Variants in CCDC171 observed in about 807,000 individuals in gnomAD.
CCDC171 encodes coiled-coil domain-containing protein 171.
CCDC171 carries 177 observed loss-of-function variants against 168.2 expected under a neutral mutation model. The observed-to-expected ratio is 1.05, with a 90% CI of 0.93 to 1.19. CCDC171 has a LOEUF of 1.19. CCDC171 is among the 50% of genes most tolerant of loss of function. CCDC171 has a pLI of 0.00. For missense variants in CCDC171, 1,991 were observed against 1,539.0 expected, an observed-to-expected ratio of 1.29 and a Z score of -4.91; for synonymous variants, 687 against 540.8, an observed-to-expected ratio of 1.27 and a Z score of -3.75.
chr9:16,050,074 A>G (rs1462017188), intron 1 of CCDC171, among the ~76,000 whole-genome samples: 4 of 152,118 alleles, frequency 2.6e-5, no homozygotes, highest in Non-Finnish European at 5.9e-5. Context: ...TTTAGTAGGG[A>G]CAGAGTTTTG....
At chr9:15,770,366 T>C (rs182177641) in intron 18 of CCDC171, among the ~76,000 whole-genome samples, 1 of 152,328 alleles carries the variant, frequency 6.6e-6, no homozygotes, top group Admixed American at 6.5e-5. Context: ...AAACTTAAAA[T>C]ATTTTGAAAA....
At chr9:15,728,099 A>G in intron 15 of CCDC171, 63 bp downstream of exon 15, 1 of 1,278,048 alleles carries the variant, frequency 7.8e-7, no homozygotes, top group Admixed American at 2.1e-5. Flanking sequence ...ACATCACAGT[A>G]TCATTAAGAG....
At chr9:15,910,626 C>G (rs1823484663) in intron 24 of CCDC171, among the ~76,000 whole-genome samples, 1 of 151,948 alleles carries the variant, frequency 6.6e-6, no homozygotes, top group African/African-American at 2.4e-5. Context: ...ATACCTGTGC[C>G]ATGTTGGTTT....
chr9:15,873,873 G>A (rs1817507002), intron 23 of CCDC171, among the ~76,000 whole-genome samples: 1 of 152,032 alleles, frequency 6.6e-6, no homozygotes, highest in African/African-American at 2.4e-5. Context: ...ACTTAAAATA[G>A]AGTACAAATA....
chr9:15,593,977 CTG>C, intron 5 of CCDC171, 62 bp from the exon 6 acceptor site: 1 of 1,112,560 alleles, frequency 9.0e-7, no homozygotes, highest in South Asian at 1.4e-5. Context: ...TACATTTAAA[CTG>C]GGGATGAAGG....
chr9:15,909,380 A>G (rs1406827420), intron 24 of CCDC171, among the ~76,000 whole-genome samples: 1 of 138,476 alleles, frequency 7.2e-6, no homozygotes, highest in African/African-American at 2.6e-5. Context: ...AGCAGCTTTT[A>G]TGCATTCATG....
chr9:15,845,604 A>G (rs2060861970), intron 21 of CCDC171: 1 of 152,050 alleles, frequency 6.6e-6, no homozygotes, highest in Admixed American at 6.6e-5. Flanking sequence ...AGTTTTACAC[A>G]TGAAATTATA....
intron 10 of CCDC171, among the ~76,000 whole-genome samples, chr9:15,680,123 G>A (rs747859860): frequency 1.3e-5 from 2 of 152,068 alleles, no homozygotes; most frequent in African/African-American, 2.4e-5. Flanking sequence ...TGTGTATTAT[G>A]TCTCCCAAGA....
chr9:15,569,389 TTTATA>T (rs2040017464), intron 2 of CCDC171, among the ~76,000 whole-genome samples: 1 of 152,314 alleles, frequency 6.6e-6, no homozygotes, highest in African/African-American at 2.4e-5. Flanking sequence ...AATAAATAAG[TTTATA>T]TATGTAAAAT....
At chr9:15,934,401 A>G (rs553416033) in intron 25 of CCDC171, among the ~76,000 whole-genome samples, 97 of 151,390 alleles carry the variant, frequency 6.4e-4, no homozygotes, top group African/African-American at 2.2e-3. Context: ...AAAAAAAAAA[A>G]AAAAGAAAAG....
At chr9:15,793,822 T>G (rs997249868) in intron 21 of CCDC171, among the ~76,000 whole-genome samples, 1 of 152,098 alleles carries the variant, frequency 6.6e-6, no homozygotes, top group South Asian at 2.1e-4. Flanking sequence ...GCTGGGATTA[T>G]TGATGTGACA....
chr9:16,048,830 G>A (rs774260699), intron 1 of CCDC171, among the ~76,000 whole-genome samples: 3 of 151,820 alleles, frequency 2.0e-5, no homozygotes, highest in Non-Finnish European at 2.9e-5. Context: ...ACAGTACCTC[G>A]CACGTAGTAA....
chr9:15,989,383 AAACT>A (rs1368334401), intron 3 of CCDC171, among the ~76,000 whole-genome samples: 1 of 152,196 alleles, frequency 6.6e-6, no homozygotes, highest in East Asian at 1.9e-4. Context: ...GTTAGAAGGA[AAACT>A]AACAAACAGA....
intron 1 of CCDC171, among the ~76,000 whole-genome samples, chr9:15,561,643 A>T (rs1334110630): frequency 1.3e-5 from 2 of 151,998 alleles, no homozygotes. Context: ...AAGAGGGAGG[A>T]GATTTTACTG....
At chr9:15,918,562 C>G (rs1824870784) in intron 24 of CCDC171, among the ~76,000 whole-genome samples, 1 of 151,514 alleles carries the variant, frequency 6.6e-6, no homozygotes, top group Non-Finnish European at 1.5e-5. Flanking sequence ...TTTTCACATA[C>G]TTTTGAGATG....
At chr9:16,075,757 T>C in the CCDC171 span, among the ~76,000 whole-genome samples, 4 of 152,086 alleles carry the variant, frequency 2.6e-5, no homozygotes, top group Non-Finnish European at 2.9e-5. Context: ...GGAAATAATC[T>C]CTATAGATAA....
the CCDC171 span, among the ~76,000 whole-genome samples, chr9:16,090,964 C>T: frequency 0.015 from 2,291 of 152,096 alleles, 68 homozygotes; most frequent in African/African-American, 0.052. Flanking sequence ...TTTTTCCACC[C>T]TCTTTCTTCA....
At chr9:15,811,905 T>C (rs964644622) in intron 21 of CCDC171, among the ~76,000 whole-genome samples, 1 of 152,196 alleles carries the variant, frequency 6.6e-6, no homozygotes, top group African/African-American at 2.4e-5. Flanking sequence ...GTGGAGAAAC[T>C]GGTATCAGGG....
rs1239902022 is a variant in CCDC171, at chr9:15,604,764, A to AT, written c.675+10594dup. ...ATCAAAAGCTGACCCAGTAAGTATG[A>AT]TTGTGATGTAGTGACAACTCGGAGG... On this transcript the variant is annotated intron_variant, in intron 6 of 25. Coordinates refer to ENST00000380701, the MANE Select transcript of CCDC171 (RefSeq NM_173550.4). 3.3e-5 allele frequency among the ~76,000 whole-genome samples: 5 copies of AT among 152,174 alleles called. No individual in the cohort carries two copies. The East Asian group carries it at 9.6e-4, about 29-fold the overall frequency.
Sources: gnomAD v4.1 joint callset for allele counts (sites outside exome capture counted in the v4.1 genomes callset) on GRCh38, gnomAD v4.1.1 for gene constraint, MANE v1.5 for transcripts, NCBI Gene and HGNC (gene_info 2026-07-23, HGNC 2026-07-21) for gene names.